TP63: variants seen among roughly 807,000 people sequenced by gnomAD.
TP63 encodes the protein tumor protein 63.
TP63 carries 17 observed loss-of-function variants against 82.8 expected under a neutral mutation model. The observed-to-expected ratio is 0.21, with a 90% CI of 0.14 to 0.31. The LOEUF (loss-of-function observed/expected upper bound fraction) is 0.31, where lower values mean the gene tolerates loss of function less well. Among genes scored for constraint, TP63 ranks in the 10% least tolerant of loss-of-function variants. The pLI is 1.00. For missense variants in TP63, 648 were observed against 895.3 expected, an observed-to-expected ratio of 0.72 and a Z score of 3.52; for synonymous variants, 330 against 321.7, an observed-to-expected ratio of 1.03 and a Z score of -0.28.
intron 3 of TP63, among the ~76,000 whole-genome samples, chr3:189,773,915 C>CT (rs57761830): frequency 0.037 from 2,676 of 72,764 alleles, 17 homozygotes; most frequent in Non-Finnish European, 0.04. Flanking sequence ...TGTCTCGTGC[C>CT]TTTTTTTTTT....
the TP63 span, among the ~76,000 whole-genome samples, chr3:189,605,325 C>G: frequency 3.9e-5 from 6 of 152,212 alleles, no homozygotes; most frequent in African/African-American, 1.2e-4. Flanking sequence ...CAGAAGTATG[C>G]TTTTGTCAAG....
At chr3:189,754,582 G>C (rs6782443) in intron 3 of TP63, among the ~76,000 whole-genome samples, 28,660 of 151,950 alleles carry the variant, frequency 0.19, 3,033 homozygotes, top group Middle Eastern at 0.29. Flanking sequence ...CCTCCTTGCC[G>C]TGTGCCTTTT....
At position 189,810,331 on chromosome 3, in the gene TP63, T is replaced by A. The variant is rs76014707; in HGVS notation, c.579+1805T>A. 3.3e-3 allele frequency among the ~76,000 whole-genome samples: 503 copies of A among 152,320 alleles called. 3 individuals are homozygous for A. Among genetic ancestry groups the A allele is most frequent in the African/African-American group, 0.012 (485 of 41,572 alleles). On this transcript the variant is annotated intron_variant, in intron 4 of 13. Coordinates refer to ENST00000264731, the MANE Select transcript of TP63 (RefSeq NM_003722.5). Reference sequence around the variant, plus strand: ...TCTCTTAGGTCACCAACCGGACATTTACAGTCACCAGTCTTCAAAGCTAAC... The same window carrying A: ...TCTCTTAGGTCACCAACCGGACATTAACAGTCACCAGTCTTCAAAGCTAAC...
chr3:189,682,139 A>C (rs1715966832), intron 1 of TP63, among the ~76,000 whole-genome samples: 1 of 152,172 alleles, frequency 6.6e-6, no homozygotes, highest in African/African-American at 2.4e-5. Context: ...AAAATATTCT[A>C]ATATATGGCA....
intron 4 of TP63, among the ~76,000 whole-genome samples, chr3:189,863,746 TA>T (rs11342899): frequency 0.7 from 106,135 of 151,940 alleles, 37,397 homozygotes; most frequent in Middle Eastern, 0.82. Context: ...TATTCCATCT[TA>T]AAAAAAATCC....
At chr3:189,843,240 G>A (rs1018787315) in intron 4 of TP63, among the ~76,000 whole-genome samples, 1 of 152,218 alleles carries the variant, frequency 6.6e-6, no homozygotes, top group Non-Finnish European at 1.5e-5. Flanking sequence ...TTGCTGCTTT[G>A]TGGCACGGTC....
At position 189,894,474 on chromosome 3, in the gene TP63, A is replaced by G. The variant is rs1257372320; in HGVS notation, c.2015A>G (p.Gln672Arg). Residue 672 changes from glutamine to arginine, a missense_variant, in exon 14 of 14, where the codon CAA becomes CGA. Transcript: ENST00000264731. Reference protein sequence around the residue: ...NFDMDARRNKQQRIKEEGE With the variant: ...NFDMDARRNKRQRIKEEGE ...GACATGGATGCTCGCCGCAATAAGC[A>G]ACAGCGCATCAAAGAGGAGGGGGAG... 6.2e-7 allele frequency: 1 copy of G among 1,613,862 alleles called. No homozygotes were observed.
chr3:189,819,450 T>G (rs1011581962), intron 4 of TP63, among the ~76,000 whole-genome samples: 3 of 151,664 alleles, frequency 2.0e-5, no homozygotes, highest in African/African-American at 7.3e-5. Context: ...CCCCCTTCCC[T>G]CACCCCACAA....
intron 1 of TP63, among the ~76,000 whole-genome samples, chr3:189,691,338 C>CA (rs781098833): frequency 0.14 from 9,176 of 66,932 alleles, 585 homozygotes; most frequent in East Asian, 0.22. Context: ...GACTCCATCT[C>CA]AAAAAAAAAA....
chr3:189,638,087 C>T (rs1240968564), intron 1 of TP63, among the ~76,000 whole-genome samples: 3 of 152,038 alleles, frequency 2.0e-5, no homozygotes, highest in Non-Finnish European at 4.4e-5. Context: ...CTGGGAGACC[C>T]ACATCAGTTT....
intron 1 of TP63, among the ~76,000 whole-genome samples, chr3:189,638,213 C>A (rs975909139): frequency 6.6e-6 from 1 of 152,042 alleles, no homozygotes; most frequent in African/African-American, 2.4e-5. Flanking sequence ...ATTGTTATCC[C>A]CAAATTGTAG....
chr3:189,744,799 G>A (rs1407956409), intron 3 of TP63, among the ~76,000 whole-genome samples: 1 of 152,120 alleles, frequency 6.6e-6, no homozygotes, highest in Non-Finnish European at 1.5e-5. Context: ...AGCCACCTGG[G>A]ACTTCCAAAA....
chr3:189,622,519 T>C, the TP63 span, among the ~76,000 whole-genome samples: 2 of 152,198 alleles, frequency 1.3e-5, no homozygotes, highest in Non-Finnish European at 2.9e-5. Context: ...GTTATCTAAA[T>C]AGGTAATGGA....
At chr3:189,797,534 C>T (rs550213856) in intron 3 of TP63, among the ~76,000 whole-genome samples, 1 of 152,154 alleles carries the variant, frequency 6.6e-6, no homozygotes, top group South Asian at 2.1e-4. Context: ...GGATTAGTGT[C>T]ACTCTATTGA....
At chr3:189,624,964 A>G in the TP63 span, among the ~76,000 whole-genome samples, 1 of 152,118 alleles carries the variant, frequency 6.6e-6, no homozygotes, top group Non-Finnish European at 1.5e-5. Flanking sequence ...ACCCAAACTA[A>G]AAGTATTCCC....
chr3:189,629,924 C>G (rs1374323769), upstream of TP63, among the ~76,000 whole-genome samples: 1 of 152,160 alleles, frequency 6.6e-6, no homozygotes, highest in Non-Finnish European at 1.5e-5. Flanking sequence ...ATTAGTTAAG[C>G]AATCTTCCCT....
chr3:189,651,607 A>G (rs1247503315), intron 1 of TP63, among the ~76,000 whole-genome samples: 1 of 146,160 alleles, frequency 6.8e-6, no homozygotes, highest in Non-Finnish European at 1.5e-5. Flanking sequence ...TTCAGGCCCA[A>G]GCTGGCTGCA....
At chr3:189,628,515 C>T (rs1729368290), upstream of TP63, among the ~76,000 whole-genome samples, 2 of 152,150 alleles carry the variant, frequency 1.3e-5, no homozygotes, top group Admixed American at 1.3e-4. Context: ...AAGTCCAAAA[C>T]ACCTTTCCTT....
chr3:189,852,775 A>T (rs1715810102), intron 4 of TP63, among the ~76,000 whole-genome samples: 1 of 152,140 alleles, frequency 6.6e-6, no homozygotes, highest in Non-Finnish European at 1.5e-5. Context: ...GTATCTTGTG[A>T]CATCCAAGGC....
Sources: allele counts gnomAD v4.1 joint callset (sites outside exome capture counted in the v4.1 genomes callset), GRCh38; gene constraint gnomAD v4.1.1; transcripts MANE v1.5; gene names NCBI Gene and HGNC (gene_info 2026-07-23, HGNC 2026-07-21).